The following FOXRED2 variants were observed in gnomAD, a reference collection of about 807,000 sequenced individuals.
FOXRED2 encodes the protein FAD dependent oxidoreductase domain containing 2, also known as FAD-dependent oxidoreductase domain-containing protein 2.
In FOXRED2, 32 loss-of-function variants were observed where a neutral mutation model predicts 52.5. That is an observed-to-expected ratio of 0.61 (90% confidence interval 0.46 to 0.82). FOXRED2 has a LOEUF of 0.82. Ranked by LOEUF, FOXRED2 falls within the 40% of genes least tolerant of loss-of-function variation. The pLI, the probability that FOXRED2 is intolerant of heterozygous loss-of-function variation, is 0.00. For missense variants in FOXRED2, 848 were observed against 937.5 expected (o/e 0.90, Z 1.25); for synonymous variants, 405 against 398.1 (o/e 1.02, Z -0.21).
chr22:36,496,729 G>A (rs900485348), intron 6 of FOXRED2, among the ~76,000 whole-genome samples: 9 of 152,230 alleles, frequency 5.9e-5, no homozygotes, highest in East Asian at 1.9e-4. Flanking sequence ...GAGAACAGAC[G>A]CCAGGCCAAG....
rs752224512 is a variant in FOXRED2 at position 36,504,662 on chromosome 22, A to G, written c.632T>C (p.Phe211Ser). 6.2e-7 allele frequency: 1 copy of G among 1,614,148 alleles called. No individual in the cohort carries two copies. The highest frequency in any genetic ancestry group is 1.7e-5 in the Admixed American group (1 of 60,008). ...YESVSVDPED[F>S]VGQNVLILGR... ...CAGGATCAGCACATTCTGGCCTACA[A>G]AGTCCTCAGGGTCCACGGACACGGA... The change falls in exon 3 of 9, where the codon TTT becomes TCT. Residue 211 changes from phenylalanine to serine, a missense_variant. Phe to Ser is a radical substitution (Grantham distance 155). Transcript: ENST00000397224.
At position 36,504,654 on chromosome 22, in the gene FOXRED2, G is replaced by A. The variant is rs1449820897; in HGVS notation, c.640C>T (p.Gln214Ter). The A allele has an allele frequency of 1.2e-6, 2 of 1,614,160 alleles. No individual in the cohort carries two copies. The highest frequency in any genetic ancestry group is 2.2e-5 in the East Asian group (1 of 44,884). Reference sequence around the variant, plus strand: ...CCACGACCCAGGATCAGCACATTCTGGCCTACAAAGTCCTCAGGGTCCACG... The same window carrying A: ...CCACGACCCAGGATCAGCACATTCTAGCCTACAAAGTCCTCAGGGTCCACG... Reference protein sequence around the residue: ...VSVDPEDFVGQNVLILGRGNS... With the variant: ...VSVDPEDFVG The change falls in exon 3 of 9, where the codon CAG becomes TAG. Residue 214 changes from glutamine to a stop codon, truncating the protein, a stop_gained. Transcript: ENST00000397224. LOFTEE classifies it high-confidence loss of function.
At chr22:36,500,407 T>C (rs1934012249) in intron 5 of FOXRED2, among the ~76,000 whole-genome samples, 1 of 152,142 alleles carries the variant, frequency 6.6e-6, no homozygotes, top group African/African-American at 2.4e-5. Flanking sequence ...TTATTTCCCA[T>C]TTACTCCTAA....
intron 2 of FOXRED2, among the ~76,000 whole-genome samples, chr22:36,505,407 G>T (rs1458724978): frequency 6.6e-6 from 1 of 152,226 alleles, no homozygotes; most frequent in African/African-American, 2.4e-5. Flanking sequence ...CCATCCAGGG[G>T]AGGGCAGCTG....
intron 4 of FOXRED2, 90 bp downstream of exon 4, chr22:36,504,008 C>T (rs1180843041): frequency 2.9e-6 from 4 of 1,379,238 alleles, no homozygotes; most frequent in East Asian, 2.3e-5. Flanking sequence ...AGAGCTCTGT[C>T]GCCAGCCTAC....
At position 36,506,385 on chromosome 22, in the gene FOXRED2, G is replaced by A. The variant is rs758925869; in HGVS notation, c.38C>T (p.Pro13Leu). 4.6e-5 allele frequency: 67 copies of A among 1,441,494 alleles called. No individual in the cohort carries two copies. The highest frequency in any genetic ancestry group is 6.1e-5 in the Non-Finnish European group (67 of 1,102,850). The allele number at this position is 1,441,494 out of a possible 1,614,324, so 89.3% of individuals were successfully genotyped here. Reference protein sequence around the residue: ...LSAAAPLWGPPGLLLAIALHP... With the variant: ...LSAAAPLWGPLGLLLAIALHP... ...CAGGGCGATGGCCAGGAGCAGCCCC[G>A]GGGGACCCCACAACGGGGCCGCAGC... Residue 13 changes from proline to leucine, a missense_variant, in exon 2 of 9, where the codon CCG (proline) becomes CTG (leucine). Transcript: ENST00000397224.
chr22:36,493,771 G>T lies in FOXRED2; in HGVS notation c.1657C>A (p.Pro553Thr), dbSNP rs1933822433. 6.2e-7 allele frequency: 1 copy of T among 1,614,098 alleles called. No individual in the cohort carries two copies. Among genetic ancestry groups the T allele is most frequent in the African/African-American group, 1.3e-5 (1 of 74,942 alleles). ...QEVRFRPAHWPLPRPTAIHHI... is the reference protein window; with the variant it reads ...QEVRFRPAHWTLPRPTAIHHI... ...TGGATGGCCGTGGGCCGAGGCAGGG[G>T]CCAGTGTGCAGGGCGGAACCTCACC... The change falls in exon 8 of 9, where the codon CCC becomes ACC. Residue 553 changes from proline to threonine, a missense_variant. Pro to Thr is a conservative substitution (Grantham distance 38, BLOSUM62 -1). Transcript: ENST00000397224.
At chr22:36,506,949 TC>T (rs1190962703) in intron 1 of FOXRED2, 59 bp downstream of exon 1, 1 of 152,636 alleles carries the variant, frequency 6.6e-6, no homozygotes, top group African/African-American at 2.4e-5. Flanking sequence ...AGCCGCCAGG[TC>T]CCTACGCCCG....
rs760588709 is a variant in FOXRED2, at chr22:36,504,645, G to C, written c.649C>G (p.Leu217Val). 3.1e-6 allele frequency: 5 copies of C among 1,614,056 alleles called. No individual in the cohort carries two copies. Among genetic ancestry groups the C allele is most frequent in the Non-Finnish European group, 4.2e-6 (5 of 1,180,032 alleles). ...DPEDFVGQNV[L>V]ILGRGNSAFE... ...GCCGAGTTCCCACGACCCAGGATCAGCACATTCTGGCCTACAAAGTCCTCA... is the reference window on the plus strand; with the variant it reads ...GCCGAGTTCCCACGACCCAGGATCACCACATTCTGGCCTACAAAGTCCTCA... Residue 217 changes from leucine to valine, a missense_variant, in exon 3 of 9, where the codon CTG (leucine) becomes GTG (valine). By Grantham distance (32) the Leu-to-Val change is conservative (BLOSUM62 1). Transcript: ENST00000397224.
Position 36,501,240 on chromosome 22 carries a change from C to T in FOXRED2, c.1216+1G>A. On this transcript the variant is annotated splice_donor_variant, in intron 5 of 8. Coordinates refer to ENST00000397224, the MANE Select transcript of FOXRED2 (RefSeq NM_001102371.2). LOFTEE classifies it high-confidence loss of function. ...AGTTCTGCCTTCTCAGCTGGGCTCACCTGTGTATCGGAATCCGTGGATGAA... is the reference window on the plus strand; with the variant it reads ...AGTTCTGCCTTCTCAGCTGGGCTCATCTGTGTATCGGAATCCGTGGATGAA... 1.2e-6 allele frequency: 2 copies of T among 1,613,806 alleles called. No homozygotes were observed. The highest frequency in any genetic ancestry group is 1.7e-4 in the Middle Eastern group (1 of 5,870).
At chr22:36,498,797 G>A (rs564559806) in intron 5 of FOXRED2, among the ~76,000 whole-genome samples, 3 of 151,820 alleles carry the variant, frequency 2.0e-5, no homozygotes, top group African/African-American at 4.8e-5. Flanking sequence ...CGCGACCTCC[G>A]CCTCCTGGGT....
chr22:36,497,342 A>T (rs1037989531), intron 6 of FOXRED2, among the ~76,000 whole-genome samples: 3 of 151,594 alleles, frequency 2.0e-5, no homozygotes, highest in Non-Finnish European at 2.9e-5. Flanking sequence ...TGTCTCAAGA[A>T]AAAAAAAAGA....
intron 8 of FOXRED2, among the ~76,000 whole-genome samples, chr22:36,491,526 C>T (rs981051738): frequency 1.3e-5 from 2 of 152,056 alleles, no homozygotes; most frequent in Admixed American, 6.5e-5. Context: ...CCTCAGCCTC[C>T]CCAGTAGCTG....
Position 36,488,042 on chromosome 22 carries a change from A to G in FOXRED2, c.*1966T>C, listed in dbSNP as rs1933649162. 1 of 151,196 alleles carries G rather than the reference A, an allele frequency of 6.6e-6. No individual in the cohort carries two copies. The highest frequency in any genetic ancestry group is 1.5e-5 in the Non-Finnish European group (1 of 67,876). 9.4% of individuals were successfully genotyped at this position (151,196 alleles called of 1,614,324 possible). ...GGGAGGCAGAAGTTGCAGTGAGCCG[A>G]CATCGTGCCATTGCACTCCAGCCTG... On this transcript the variant is annotated 3_prime_UTR_variant, in exon 9 of 9. Coordinates refer to ENST00000397224, the MANE Select transcript of FOXRED2 (RefSeq NM_001102371.2).
chr22:36,494,883 C>T (rs1366600227), intron 7 of FOXRED2, among the ~76,000 whole-genome samples: 2 of 151,912 alleles, frequency 1.3e-5, no homozygotes, highest in Non-Finnish European at 2.9e-5. Context: ...GTGATCCGCC[C>T]GCCTCGGCCT....
In FOXRED2 at chr22:36,504,528, C is replaced by A. The variant is rs764123276; in HGVS notation, c.766G>T (p.Val256Phe). The change falls in exon 3 of 9, where the codon GTT (valine) becomes TTT (phenylalanine). Residue 256 changes from valine (V) to phenylalanine (F), a missense_variant. Val to Phe is a conservative substitution (Grantham distance 50). Coordinates refer to ENST00000397224, the MANE Select transcript of FOXRED2 (RefSeq NM_001102371.2). ...RVRLSWATHY[V>F]GDLRAINNGL... ...GATGTGGCCTACCTGAGGTCTCCAA[C>A]GTAGTGGGTGGCCCAGGACAGACGG... The A allele has an allele frequency of 6.2e-6, 10 of 1,614,040 alleles. No homozygotes were observed. The highest frequency in any genetic ancestry group is 8.5e-6 in the Non-Finnish European group (10 of 1,180,040).
intron 6 of FOXRED2, 106 bp from the exon 7 acceptor site, chr22:36,496,314 G>A (rs1350975069): frequency 7.2e-7 from 1 of 1,387,342 alleles, no homozygotes; most frequent in Non-Finnish European, 9.9e-7. Flanking sequence ...CCCCTCTAAG[G>A]AGCGTCAATC....
chr22:36,496,766 T>A (rs188373830), intron 6 of FOXRED2, among the ~76,000 whole-genome samples: 1 of 152,278 alleles, frequency 6.6e-6, no homozygotes, highest in East Asian at 1.9e-4. Flanking sequence ...TGGGTGCAGG[T>A]GATACAGCCT....
At chr22:36,498,234 C>T (rs1159924928) in intron 5 of FOXRED2, 78 bp from the exon 6 acceptor site, 1 of 1,519,402 alleles carries the variant, frequency 6.6e-7, no homozygotes, top group African/African-American at 1.4e-5. Context: ...GCCCAGGCCT[C>T]ATTGACCCCT....
Sources: allele counts gnomAD v4.1 joint callset (sites outside exome capture counted in the v4.1 genomes callset), GRCh38; gene constraint gnomAD v4.1.1; transcripts MANE v1.5; gene names NCBI Gene and HGNC (gene_info 2026-07-23, HGNC 2026-07-21).